The following CABP4 variants were observed in gnomAD, a reference collection of about 807,000 sequenced individuals.
CABP4 encodes calcium binding protein 4.
Under a neutral mutation model 30.7 loss-of-function variants are expected in CABP4, and 30 were observed. The observed-to-expected ratio is 0.98, with a 90% CI of 0.73 to 1.33. CABP4 has a LOEUF of 1.33. Among genes scored for constraint, CABP4 ranks in the 40% most tolerant of loss-of-function variants. CABP4 has a pLI of 0.00. For synonymous variants in CABP4, 161 were observed against 159.2 expected (o/e 1.01, Z -0.08); for missense variants, 424 against 395.5 (o/e 1.07, Z -0.61).
At position 67,458,532 on chromosome 11, in the gene CABP4, C is replaced by A; in HGVS notation, c.799+14C>A. The stretch of plus-strand genomic sequence containing the variant: ...TAGACTTTGACGGTGAGTCTCCTTC[C>A]CGGAAAACCCTCCCGTGCTTCCAGG... On this transcript the variant is annotated intron_variant, in intron 5 of 5. Transcript: ENST00000325656. 6.2e-7 allele frequency: 1 copy of A among 1,614,104 alleles called. No homozygotes were observed. The highest frequency in any genetic ancestry group is 8.5e-7 in the Non-Finnish European group (1 of 1,180,004).
At chr11:67,456,664 T>A (rs1411223726) in intron 3 of CABP4, among the ~76,000 whole-genome samples, 1 of 152,200 alleles carries the variant, frequency 6.6e-6, no homozygotes, top group Non-Finnish European at 1.5e-5. Context: ...GGGGCTCAGG[T>A]TGAGGACCCT....
chr11:67,456,446 A>G lies in CABP4; in HGVS notation c.541+4A>G, dbSNP rs748573597. ...TCGCAGCACATCAAGATGCGCAGTC[A>G]GTCAGGGAGCCCGCCCGCCCGGGCA... is the stretch of plus-strand genomic sequence containing the variant. On this transcript the variant is annotated splice_donor_region_variant and intron_variant, in intron 3 of 5. Coordinates refer to ENST00000325656, the MANE Select transcript of CABP4 (RefSeq NM_145200.5). 6.2e-7 allele frequency: 1 copy of G among 1,609,786 alleles called. No homozygotes were observed. The highest frequency in any genetic ancestry group is 1.1e-5 in the South Asian group (1 of 91,064).
chr11:67,453,831 G>T (rs757556070), upstream of CABP4, among the ~76,000 whole-genome samples: 1 of 152,168 alleles, frequency 6.6e-6, no homozygotes, highest in African/African-American at 2.4e-5. Context: ...CTCCTCTGGG[G>T]TTCGAGTGTT....
chr11:67,457,636 C>G lies in CABP4; in HGVS notation c.605C>G (p.Thr202Arg). Residue 202 changes from threonine to arginine, a missense_variant, in exon 4 of 6, where the codon ACG becomes AGG. Transcript: ENST00000325656. The part of the protein sequence containing the change: ...ELIGPKLREE[T>R]AHMLGVRELR... ...ATAGGCCCAAAGCTGAGGGAGGAGA[C>G]GGCGCACATGCTGGGGGTGCGAGAG... 6.2e-7 allele frequency: 1 copy of G among 1,605,214 alleles called. No individual in the cohort carries two copies. The highest frequency in any genetic ancestry group is 8.5e-7 in the Non-Finnish European group (1 of 1,176,130).
upstream of CABP4, chr11:67,453,117 C>A: frequency 5.8e-6 from 1 of 171,786 alleles, no homozygotes; most frequent in South Asian, 1.6e-4. Flanking sequence ...AGCGACCCTC[C>A]CATCTCAGCC....
chr11:67,456,330 T>G lies in CABP4; in HGVS notation c.429T>G (p.Thr143=). Residue 143 remains threonine (T), a synonymous_variant, in exon 3 of 6, where the codon ACT becomes ACG. Coordinates refer to ENST00000325656, the MANE Select transcript of CABP4 (RefSeq NM_145200.5). The stretch of plus-strand genomic sequence containing the variant: ...AGGCCGCCTTCGAGGAGTTTGACAC[T>G]GACCGTGACGGCTACATCAGCCACC... ...ELQAAFEEFD[T]DRDGYISHRE... The G allele has an allele frequency of 6.2e-7, 1 of 1,613,824 alleles. No homozygotes were observed. Among genetic ancestry groups the G allele is most frequent in the South Asian group, 1.1e-5 (1 of 91,076 alleles).
chr11:67,457,414 G>A (rs939153176), intron 3 of CABP4, among the ~76,000 whole-genome samples, 159 bp from the exon 4 acceptor site: 25 of 152,336 alleles, frequency 1.6e-4, no homozygotes, highest in Middle Eastern at 3.4e-3. Flanking sequence ...CAGCAGCCAA[G>A]GACGGGGGTT....
At position 67,455,417 on chromosome 11, in the gene CABP4, C is replaced by G. The variant is rs758340064; in HGVS notation, c.-7C>G. 6 of 1,604,618 alleles carry G rather than the reference C, an allele frequency of 3.7e-6. No individual in the cohort carries two copies. In the Admixed American group the frequency reaches 1.0e-4, roughly 27 times the overall value. On this transcript the variant is annotated 5_prime_UTR_variant, in exon 1 of 6. Transcript: ENST00000325656. ...GTGGTGTCTCTGAGCCCTGTTATCC[C>G]TCCCCCATGACCACAGAGCAGGCAA...
At chr11:67,454,824 C>T (rs994708083), upstream of CABP4, among the ~76,000 whole-genome samples, 7 of 152,216 alleles carry the variant, frequency 4.6e-5, no homozygotes, top group South Asian at 2.1e-4. Context: ...CATCACCCCC[C>T]GTGCTCCTCA....
intron 2 of CABP4, 35 bp downstream of exon 2, chr11:67,456,253 C>G: frequency 6.2e-7 from 1 of 1,613,528 alleles, no homozygotes; most frequent in Non-Finnish European, 8.5e-7. Context: ...GGGGTGGGAG[C>G]TGTCCCTGAG....
Position 67,460,487 on chromosome 11 carries a change from TG to T in CABP4, c.*1829del. On this transcript the variant is annotated 3_prime_UTR_variant, in exon 6 of 6. Coordinates refer to ENST00000325656, the MANE Select transcript of CABP4 (RefSeq NM_145200.5). ...AAAGAAAAAAACAAACCATGGCTTC[TG>T]TTAAAAAAATAAAGTATATTTTATA... is the stretch of plus-strand genomic sequence containing the variant. 6.7e-6 allele frequency among the ~76,000 whole-genome samples: 1 copy of T among 149,400 alleles called. No homozygotes were observed. Among genetic ancestry groups the T allele is most frequent in the Non-Finnish European group, 1.5e-5 (1 of 67,434 alleles).
chr11:67,454,213 C>T (rs944735269), upstream of CABP4, among the ~76,000 whole-genome samples: 1 of 152,124 alleles, frequency 6.6e-6, no homozygotes, highest in Non-Finnish European at 1.5e-5. Flanking sequence ...GGCCTGCAGC[C>T]CCACCTCGCC....
At position 67,455,669 on chromosome 11, in the gene CABP4, C is replaced by G. The variant is rs147329388; in HGVS notation, c.246C>G (p.Gly82=). Residue 82 remains glycine (G), a synonymous_variant, in exon 1 of 6, where the codon GGC becomes GGG. Coordinates refer to ENST00000325656, the MANE Select transcript of CABP4 (RefSeq NM_145200.5). ...NPPSTGEGPA[G]APPASPGPAS... is the part of the protein sequence containing the mutation. ...CCAGCACTGGAGAGGGGCCGGCGGG[C>G]GCACCCCCTGCATCCCCTGGGCCGG... The G allele has an allele frequency of 6.2e-7, 1 of 1,607,084 alleles. No homozygotes were observed.
In CABP4 at chr11:67,460,985, G is replaced by GAA. The variant is rs1565165852; in HGVS notation, c.*2326_*2327insAA. Among the ~76,000 whole-genome samples, 2 of 101,424 alleles carry GAA rather than the reference G, an allele frequency of 2.0e-5. No homozygotes were observed. The highest frequency in any genetic ancestry group is 1.7e-4 in the African/African-American group (2 of 11,722). 66.5% of individuals were successfully genotyped at this position (101,424 alleles called of 152,430 possible). ...GGGCTACAGAGCGAGACTCCGTCTC[G>GAA]GAAAAAAAAAAAAAAAAAGGTCACT... On this transcript the variant is annotated 3_prime_UTR_variant, in exon 6 of 6. Transcript: ENST00000325656.
chr11:67,458,439 G>C lies in CABP4; in HGVS notation c.720G>C (p.Gly240=). 6.2e-7 allele frequency: 1 copy of C among 1,613,972 alleles called. No homozygotes were observed. The highest frequency in any genetic ancestry group is 8.5e-7 in the Non-Finnish European group (1 of 1,179,966). The part of the protein sequence containing the change: ...ELREAVPALL[G]EPLAGPELDE... The stretch of plus-strand genomic sequence containing the variant: ...GGGAGGCGGTACCGGCTCTGCTCGG[G>C]GAGCCGCTGGCGGGTCCTGAGCTGG... The change falls in exon 5 of 6, where the codon GGG becomes GGC. Residue 240 remains glycine, a synonymous_variant. Transcript: ENST00000325656.
Position 67,460,846 on chromosome 11 carries a change from G to A in CABP4, c.*2187G>A, listed in dbSNP as rs886048579. 1.3e-5 allele frequency among the ~76,000 whole-genome samples: 2 copies of A among 152,024 alleles called. No individual in the cohort carries two copies. Among genetic ancestry groups the A allele is most frequent in the Non-Finnish European group, 2.9e-5 (2 of 68,010 alleles). On this transcript the variant is annotated 3_prime_UTR_variant, in exon 6 of 6. Coordinates refer to ENST00000325656, the MANE Select transcript of CABP4 (RefSeq NM_145200.5). ...AAATACAAAAAAAAATTAGCTGGGCGTGGTGGCGGGCGCCTGTAGTCCCAG... is the reference window on the plus strand; with the variant it reads ...AAATACAAAAAAAAATTAGCTGGGCATGGTGGCGGGCGCCTGTAGTCCCAG...
chr11:67,455,347 C>A, upstream of CABP4: 1 of 1,520,062 alleles, frequency 6.6e-7, no homozygotes, highest in Non-Finnish European at 8.8e-7. Flanking sequence ...AGTGGGGGTG[C>A]ATAAGCAGCT....
intron 4 of CABP4, among the ~76,000 whole-genome samples, chr11:67,458,123 G>T (rs1228674869): frequency 3.3e-5 from 5 of 152,178 alleles, no homozygotes; most frequent in Admixed American, 6.6e-5. Flanking sequence ...GCCAAGGGTT[G>T]TGGTGGGCAC....
rs139927588 is a variant in CABP4 at position 67,456,399 on chromosome 11, C to T, written c.498C>T (p.Thr166=). ...DCMRTLGYMP[T]EMELLEVSQH... ...TGCGGACCCTGGGCTACATGCCCAC[C>T]GAGATGGAGCTCCTGGAGGTCTCGC... Residue 166 remains threonine (T), a synonymous_variant, in exon 3 of 6, where the codon ACC becomes ACT. Transcript: ENST00000325656. 21 of 1,612,842 alleles carry T rather than the reference C, an allele frequency of 1.3e-5. No individual in the cohort carries two copies. The highest frequency in any genetic ancestry group is 5.3e-5 in the African/African-American group (4 of 74,926).
Sources: allele counts gnomAD v4.1 joint callset (sites outside exome capture counted in the v4.1 genomes callset), GRCh38; gene constraint gnomAD v4.1.1; transcripts MANE v1.5; gene names NCBI Gene and HGNC (gene_info 2026-07-23, HGNC 2026-07-21).